MAML1: variants seen among roughly 807,000 people sequenced by gnomAD.
MAML1 encodes the protein mastermind-like protein 1.
In MAML1, 14 loss-of-function variants were observed where a neutral mutation model predicts 77.1. The observed-to-expected ratio is 0.18, with a 90% CI of 0.12 to 0.28. The LOEUF (loss-of-function observed/expected upper bound fraction) is 0.28. Ranked by LOEUF, MAML1 falls within the 10% of genes least tolerant of loss-of-function variation. The pLI, the probability that MAML1 is intolerant of heterozygous loss-of-function variation, is 1.00. For synonymous variants in MAML1, 516 were observed against 551.9 expected (o/e 0.93, Z 0.91); for missense variants, 1,217 against 1,327.8 (o/e 0.92, Z 1.30).
intron 1 of MAML1, among the ~76,000 whole-genome samples, chr5:179,737,963 G>A (rs1360554579): frequency 7.3e-6 from 1 of 137,328 alleles, no homozygotes; most frequent in Non-Finnish European, 1.7e-5. Context: ...CACCCGGCTA[G>A]GTTTTAAAGT....
intron 1 of MAML1, among the ~76,000 whole-genome samples, chr5:179,742,500 TA>T (rs377102872): frequency 0.015 from 1,987 of 133,184 alleles, 36 homozygotes; most frequent in African/African-American, 0.052. Context: ...AAATAAATAA[TA>T]AAAAAAAAAC....
In MAML1 at chr5:179,769,323, C is replaced by T. The variant is rs942520931; in HGVS notation, c.1971+234C>T. On this transcript the variant is annotated intron_variant, in intron 3 of 4. Transcript: ENST00000292599. The surrounding 1 kb of genome is among the most constrained non-coding windows in gnomAD (Gnocchi z 4.2). Reference sequence around the variant, plus strand: ...TAGTGGAGAGTACTCAAGGCAGACTCGGGGGCTAAAACTGTTTGTGGAAGG... The same window carrying T: ...TAGTGGAGAGTACTCAAGGCAGACTTGGGGGCTAAAACTGTTTGTGGAAGG... 2.6e-5 allele frequency among the ~76,000 whole-genome samples: 4 copies of T among 152,100 alleles called. No individual in the cohort carries two copies. Among genetic ancestry groups the T allele is most frequent in the Admixed American group, 1.3e-4 (2 of 15,260 alleles).
chr5:179,753,661 T>TTTA, intron 1 of MAML1, among the ~76,000 whole-genome samples: 1 of 135,836 alleles, frequency 7.4e-6, no homozygotes, highest in South Asian at 2.5e-4. Flanking sequence ...ATTATTTTTT[T>TTTA]TTTTTTTTTT....
Position 179,774,423 on chromosome 5 carries a change from T to G in MAML1, c.2597T>G (p.Phe866Cys), listed in dbSNP as rs765727565. ...AGTCCCTTCACTGCAGCCTCCAGTT[T>G]CCACATGCAGCAGCAGGCCCACCTG... ...NVSPFTAASS[F>C]HMQQQAHLKM... is the part of the protein sequence containing the mutation. Residue 866 changes from phenylalanine to cysteine, a missense_variant, in exon 5 of 5, where the codon TTC (phenylalanine) becomes TGC (cysteine). Coordinates refer to ENST00000292599, the MANE Select transcript of MAML1 (RefSeq NM_014757.5). 2 of 1,613,220 alleles carry G rather than the reference T, an allele frequency of 1.2e-6. No homozygotes were observed. Among genetic ancestry groups the G allele is most frequent in the African/African-American group, 1.3e-5 (1 of 75,050 alleles).
intron 1 of MAML1, among the ~76,000 whole-genome samples, chr5:179,748,847 T>C (rs1779431655): frequency 1.4e-5 from 2 of 142,524 alleles, no homozygotes; most frequent in Non-Finnish European, 3.2e-5. Flanking sequence ...AAAAAGAGAA[T>C]TGGAACAATG....
intron 1 of MAML1, among the ~76,000 whole-genome samples, chr5:179,762,871 A>T (rs555525778): frequency 6.6e-6 from 1 of 152,364 alleles, no homozygotes; most frequent in South Asian, 2.1e-4. Flanking sequence ...TTTTGTGAGT[A>T]GTTGACAAAA....
Position 179,775,336 on chromosome 5 carries a change from T to A in MAML1, c.*459T>A. On this transcript the variant is annotated 3_prime_UTR_variant, in exon 5 of 5. Transcript: ENST00000292599. ...TTGTAGCATAGAAAAGATTTTTAAA[T>A]TTTTTTACAAAAGGTTTTTAAACAG... The A allele has an allele frequency of 1.0e-6, 1 of 986,326 alleles. No homozygotes were observed. Among genetic ancestry groups the A allele is most frequent in the Non-Finnish European group, 1.2e-6 (1 of 830,492 alleles). The allele number at this position is 986,326 out of a possible 1,614,324, so 61.1% of individuals were successfully genotyped here. A position where few individuals can be genotyped will look rare whatever the true frequency, so the allele number is the denominator to read the frequency against.
At chr5:179,746,735 T>G (rs984659291) in intron 1 of MAML1, among the ~76,000 whole-genome samples, 1 of 152,198 alleles carries the variant, frequency 6.6e-6, no homozygotes, top group East Asian at 1.9e-4. Flanking sequence ...TTACATATAA[T>G]CAAAAATTAA....
chr5:179,739,261 A>T lies in MAML1; in HGVS notation c.315+5834A>T, dbSNP rs149825063. Among the ~76,000 whole-genome samples, 522 of 152,322 alleles carry T rather than the reference A, an allele frequency of 3.4e-3. 3 individuals are homozygous for T. The highest frequency in any genetic ancestry group is 0.012 in the African/African-American group (490 of 41,562). On this transcript the variant is annotated intron_variant, in intron 1 of 4. Coordinates refer to ENST00000292599, the MANE Select transcript of MAML1 (RefSeq NM_014757.5). ...GCTCAGCATGGTGGCTCATGCCTGT[A>T]ATCTCAGAACTTTTGGGAAGCTGTG... is the stretch of plus-strand genomic sequence containing the variant.
chr5:179,767,316 G>T (rs560366144), intron 2 of MAML1, among the ~76,000 whole-genome samples: 3 of 152,186 alleles, frequency 2.0e-5, no homozygotes, highest in South Asian at 4.2e-4. Context: ...TGCAGTGAAC[G>T]TGAATTTGTA....
chr5:179,757,689 C>T (rs1197004292), intron 1 of MAML1, among the ~76,000 whole-genome samples: 3 of 152,172 alleles, frequency 2.0e-5, no homozygotes, highest in East Asian at 1.9e-4. Context: ...AGTTAGCAAT[C>T]GCCTGCATTG....
At position 179,766,494 on chromosome 5, in the gene MAML1, C is replaced by T. The variant is rs1209598011; in HGVS notation, c.1484C>T (p.Pro495Leu). The T allele has an allele frequency of 6.8e-6, 11 of 1,606,700 alleles. No individual in the cohort carries two copies. The highest frequency in any genetic ancestry group is 1.7e-4 in the Middle Eastern group (1 of 6,042). Residue 495 changes from proline to leucine, a missense_variant, in exon 2 of 5, where the codon CCG becomes CTG. Pro to Leu is a moderately conservative substitution (Grantham distance 98). Coordinates refer to ENST00000292599, the MANE Select transcript of MAML1 (RefSeq NM_014757.5). The surrounding 1 kb of genome is among the most constrained non-coding windows in gnomAD (Gnocchi z 4.0). ...SHVNLLSHQP[P>L]SNLNQNSANN... ...GTGAACCTGCTGAGTCACCAGCCAC[C>T]GAGTAACTTGAATCAGAACTCCGCG...
intron 1 of MAML1, among the ~76,000 whole-genome samples, chr5:179,736,542 C>A (rs922572221): frequency 1.3e-5 from 2 of 152,164 alleles, no homozygotes; most frequent in African/African-American, 4.8e-5. Context: ...TGAGCCGCCA[C>A]GCTTGGCCTG....
chr5:179,759,628 GGCTCCCGA>G (rs1779687663), intron 1 of MAML1, among the ~76,000 whole-genome samples: 1 of 152,204 alleles, frequency 6.6e-6, no homozygotes, highest in Non-Finnish European at 1.5e-5. Flanking sequence ...AGAGGGTCAG[GGCTCCCGA>G]GTGTCCTGTG....
chr5:179,753,899 C>T (rs983204042), intron 1 of MAML1, among the ~76,000 whole-genome samples: 8 of 151,738 alleles, frequency 5.3e-5, no homozygotes, highest in South Asian at 2.1e-4. Flanking sequence ...CTCGAACTCC[C>T]GACCTCAAGT....
chr5:179,738,187 A>ATT lies in MAML1; in HGVS notation c.315+4761_315+4762dup, dbSNP rs1023113274. 4.6e-4 allele frequency among the ~76,000 whole-genome samples: 70 copies of ATT among 152,224 alleles called. 1 individual carries two copies. Among genetic ancestry groups the ATT allele is most frequent in the Admixed American group, 9.8e-4 (15 of 15,280 alleles). On this transcript the variant is annotated intron_variant, in intron 1 of 4. Transcript: ENST00000292599. ...GTGCCCCATTTGTTATCATTTGCACATTCTCTCTCTCCCACTCTCTGCCTC... is the reference window on the plus strand; with the variant it reads ...GTGCCCCATTTGTTATCATTTGCACATTTTCTCTCTCTCCCACTCTCTGCCTC...
chr5:179,746,151 AC>A (rs1779376766), intron 1 of MAML1, among the ~76,000 whole-genome samples: 1 of 150,332 alleles, frequency 6.7e-6, no homozygotes, highest in African/African-American at 2.4e-5. Flanking sequence ...TTCGAGACTA[AC>A]CTGGCCCACA....
intron 1 of MAML1, among the ~76,000 whole-genome samples, chr5:179,735,778 C>T (rs975800651): frequency 2.6e-5 from 4 of 152,064 alleles, no homozygotes; most frequent in Non-Finnish European, 4.4e-5. Context: ...ACCTCTGCCT[C>T]CCCGGTTCAA....
chr5:179,776,677 T>C lies in MAML1; in HGVS notation c.*1800T>C, dbSNP rs868564751. 1 of 985,794 alleles carries C rather than the reference T, an allele frequency of 1.0e-6. No homozygotes were observed. Among genetic ancestry groups the C allele is most frequent in the Non-Finnish European group, 1.2e-6 (1 of 829,954 alleles). 61.1% of individuals were successfully genotyped at this position (985,794 alleles called of 1,614,324 possible). ...AAGGCTGGTTGTGGATCCTTGTTCC[T>C]CTCCTGACCCCATCTGGCTGCTGCC... is the stretch of plus-strand genomic sequence containing the variant. On this transcript the variant is annotated 3_prime_UTR_variant, in exon 5 of 5. Transcript: ENST00000292599.
Sources: gnomAD v4.1 joint callset for allele counts (sites outside exome capture counted in the v4.1 genomes callset) on GRCh38, gnomAD v4.1.1 for gene constraint, Gnocchi (gnomAD v3.1) non-coding constraint, MANE v1.5 for transcripts, NCBI Gene and HGNC (gene_info 2026-07-23, HGNC 2026-07-21) for gene names.